Variants in IFNAR1 observed in about 807,000 individuals in gnomAD.
IFNAR1 encodes the protein interferon alpha and beta receptor subunit 1.
IFNAR1 carries 47 observed loss-of-function variants against 62.1 expected under a neutral mutation model. The observed-to-expected ratio is 0.76, with a 90% CI of 0.60 to 0.97. The LOEUF (loss-of-function observed/expected upper bound fraction) is 0.97. IFNAR1 is among the 50% of genes least tolerant of loss of function. The pLI is 0.00. For missense variants in IFNAR1, 638 were observed against 654.5 expected, an observed-to-expected ratio of 0.97 and a Z score of 0.27; for synonymous variants, 219 against 226.9, an observed-to-expected ratio of 0.97 and a Z score of 0.31.
At chr21:33,326,785 A>AT (rs372363561) in intron 1 of IFNAR1, among the ~76,000 whole-genome samples, 3,259 of 142,936 alleles carry the variant, frequency 0.023, 127 homozygotes, top group African/African-American at 0.077. Context: ...AGGTCCTGAG[A>AT]TTTTTTTTTT....
intron 1 of IFNAR1, among the ~76,000 whole-genome samples, chr21:33,334,262 G>A (rs186193050): frequency 4.3e-4 from 66 of 152,014 alleles, no homozygotes; most frequent in African/African-American, 1.1e-3. Context: ...TCTCAGCTTC[G>A]GACAGATCAG....
At chr21:33,332,665 T>A (rs928874907) in intron 1 of IFNAR1, among the ~76,000 whole-genome samples, 3 of 151,712 alleles carry the variant, frequency 2.0e-5, no homozygotes, top group African/African-American at 4.8e-5. Context: ...AACAAAAAAA[T>A]TAAAACATGA....
intron 1 of IFNAR1, among the ~76,000 whole-genome samples, chr21:33,332,352 TTCGAAACC>T (rs1322696213): frequency 6.6e-6 from 1 of 152,166 alleles, no homozygotes; most frequent in African/African-American, 2.4e-5. Flanking sequence ...CACCACACCC[TTCGAAACC>T]AGCATACTGA....
intron 2 of IFNAR1, 58 bp from the exon 3 acceptor site, chr21:33,340,941 T>G (rs188966930): frequency 1.9e-6 from 2 of 1,075,946 alleles, no homozygotes; most frequent in East Asian, 4.7e-5. Context: ...ATAGAAAGTA[T>G]TTGACACTTA....
At chr21:33,333,128 T>G (rs2083197353) in intron 1 of IFNAR1, among the ~76,000 whole-genome samples, 3 of 152,180 alleles carry the variant, frequency 2.0e-5, no homozygotes, top group African/African-American at 7.2e-5. Flanking sequence ...AAGTCACATT[T>G]AAGAAAATCC....
upstream of IFNAR1, chr21:33,324,959 T>C (rs2850015): frequency 0.75 from 796,337 of 1,064,110 alleles, 300,573 homozygotes; most frequent in African/African-American, 0.95. Flanking sequence ...GCAGCGCGTG[T>C]GCAGAGGGGC....
In IFNAR1 at chr21:33,325,050, T is replaced by G; in HGVS notation, c.-6T>G. 1 of 1,596,946 alleles carries G rather than the reference T, an allele frequency of 6.3e-7. No homozygotes were observed. The highest frequency in any genetic ancestry group is 8.5e-7 in the Non-Finnish European group (1 of 1,172,996). ...TGTAACTGGTGGGATCTGCGGCGGC[T>G]CCCAGATGATGGTCGTCCTCCTGGG... On this transcript the variant is annotated 5_prime_UTR_variant, in exon 1 of 11. Coordinates refer to ENST00000270139, the MANE Select transcript of IFNAR1 (RefSeq NM_000629.3).
intron 2 of IFNAR1, among the ~76,000 whole-genome samples, chr21:33,337,173 A>G (rs2083245427): frequency 6.6e-6 from 1 of 151,988 alleles, no homozygotes. Context: ...CTGTGAGCCA[A>G]GTTTGCACCA....
chr21:33,352,110 G>A (rs2123268829), intron 8 of IFNAR1, among the ~76,000 whole-genome samples: 1 of 152,258 alleles, frequency 6.6e-6, no homozygotes, highest in South Asian at 2.1e-4. Flanking sequence ...CCACACAGCT[G>A]TAAGTGATAC....
rs570466476 is a variant in IFNAR1, at chr21:33,358,347, A to G, written c.*2798A>G. 2 of 152,132 alleles carry G rather than the reference A, an allele frequency of 1.3e-5. No individual in the cohort carries two copies. The highest frequency in any genetic ancestry group is 4.8e-5 in the African/African-American group (2 of 41,494). The allele number at this position is 152,132 out of a possible 1,614,324, so 9.4% of individuals were successfully genotyped here. A position where few individuals can be genotyped will look rare whatever the true frequency, so the allele number is the denominator to read the frequency against. Reference sequence around the variant, plus strand: ...TTAGAAATACCATGCACTTGGGGGTACCAATTAACCGCCTGAAAATTAGCA... The same window carrying G: ...TTAGAAATACCATGCACTTGGGGGTGCCAATTAACCGCCTGAAAATTAGCA... On this transcript the variant is annotated 3_prime_UTR_variant, in exon 11 of 11. Transcript: ENST00000270139.
intron 8 of IFNAR1, among the ~76,000 whole-genome samples, chr21:33,350,013 G>A (rs2123263880): frequency 6.6e-6 from 1 of 151,844 alleles, no homozygotes; most frequent in African/African-American, 2.4e-5. Context: ...TGGGTGAGCT[G>A]CATCTGGGCC....
intron 2 of IFNAR1, among the ~76,000 whole-genome samples, chr21:33,336,179 T>C (rs1476958545): frequency 7.1e-6 from 1 of 141,772 alleles, no homozygotes; most frequent in Non-Finnish European, 1.5e-5. Context: ...CGGTGTTTGG[T>C]TTTTTGTTCT....
At position 33,349,517 on chromosome 21, in the gene IFNAR1, T is replaced by C. The variant is rs1477531035; in HGVS notation, c.1117T>C (p.Phe373Leu). 1 of 1,610,556 alleles carries C rather than the reference T, an allele frequency of 6.2e-7. No individual in the cohort carries two copies. Among genetic ancestry groups the C allele is most frequent in the East Asian group, 2.2e-5 (1 of 44,852 alleles). Residue 373 changes from phenylalanine (F) to leucine (L), a missense_variant, in exon 8 of 11, where the codon TTT (phenylalanine) becomes CTT (leucine). Phe to Leu is a conservative substitution (Grantham distance 22). Transcript: ENST00000270139. ...TTATCCACTGATTTATGAAATTATTTTTTGGGAAAACACTTCAAATGCTGA... is the reference window on the plus strand; with the variant it reads ...TTATCCACTGATTTATGAAATTATTCTTTGGGAAAACACTTCAAATGCTGA... The part of the protein sequence containing the change: ...QDYPLIYEII[F>L]WENTSNAERK...
At chr21:33,353,481 G>A (rs983581445) in intron 9 of IFNAR1, among the ~76,000 whole-genome samples, 157 bp from the exon 10 acceptor site, 2 of 152,078 alleles carry the variant, frequency 1.3e-5, no homozygotes, top group African/African-American at 4.8e-5. Context: ...ATTGCCTATG[G>A]TTGCTGTGGA....
rs908648873 is a variant in IFNAR1 at position 33,335,448 on chromosome 21, A to T, written c.77-76A>T. The T allele has an allele frequency of 3.8e-5, 29 of 769,432 alleles. No homozygotes were observed. In the Admixed American group the frequency reaches 8.7e-4, roughly 23 times the overall value. 47.7% of individuals were successfully genotyped at this position (769,432 alleles called of 1,614,324 possible). On this transcript the variant is annotated intron_variant, in intron 1 of 10. Coordinates refer to ENST00000270139, the MANE Select transcript of IFNAR1 (RefSeq NM_000629.3). ...CACTGTATTCATTCTTTAATCAGGG[A>T]TGTGAGGGATAGAATAACATTTAGA...
upstream of IFNAR1, chr21:33,324,834 G>A (rs1321875562): frequency 5.3e-6 from 3 of 570,754 alleles, no homozygotes; most frequent in South Asian, 2.1e-5. Context: ...CTTGGAGAAG[G>A]GGTGCTAGCT....
At chr21:33,355,292 A>G in intron 10 of IFNAR1, 24 bp from the exon 11 acceptor site, 2 of 1,113,992 alleles carry the variant, frequency 1.8e-6, no homozygotes, top group Non-Finnish European at 2.6e-6. Flanking sequence ...ATTGATTTCT[A>G]CTCTTTCCCT....
Position 33,352,895 on chromosome 21 carries a change from G to A in IFNAR1, c.1281G>A (p.Glu427=). The change falls in exon 9 of 11, where the codon GAG becomes GAA. Residue 427 remains glutamate (E), a synonymous_variant. Coordinates refer to ENST00000270139, the MANE Select transcript of IFNAR1 (RefSeq NM_000629.3). ...KSSVFSDAVC[E]KTKPGNTSKI... is the part of the protein sequence containing the mutation. ...GTGTTTTTAGTGACGCTGTATGTGA[G>A]AAAACAAAACCAGGTCAGAATCTTT... 1 of 1,577,756 alleles carries A rather than the reference G, an allele frequency of 6.3e-7. No individual in the cohort carries two copies. The highest frequency in any genetic ancestry group is 8.6e-7 in the Non-Finnish European group (1 of 1,159,008).
At chr21:33,351,912 G>A (rs766668135) in intron 8 of IFNAR1, among the ~76,000 whole-genome samples, 19 of 151,852 alleles carry the variant, frequency 1.3e-4, no homozygotes, top group Non-Finnish European at 1.8e-4. Context: ...GCCCAGGCTC[G>A]TCTTGAACTC....
Sources: gnomAD v4.1 joint callset for allele counts (sites outside exome capture counted in the v4.1 genomes callset) on GRCh38, gnomAD v4.1.1 for gene constraint, MANE v1.5 for transcripts, NCBI Gene and HGNC (gene_info 2026-07-23, HGNC 2026-07-21) for gene names.